Variants in PDK1 observed in about 807,000 individuals in gnomAD.
PDK1 encodes the protein pyruvate dehydrogenase kinase 1.
PDK1 carries 39 observed loss-of-function variants against 54.2 expected under a neutral mutation model. The observed-to-expected ratio is 0.72, with a 90% CI of 0.56 to 0.94. The LOEUF is 0.94. PDK1 is among the 40% of genes least tolerant of loss of function. The probability of loss-of-function intolerance (pLI) is 0.00; values close to 1 mark genes in which losing one functional copy is unlikely to be tolerated. For synonymous variants in PDK1, 221 were observed against 207.1 expected (o/e 1.07, Z -0.58); for missense variants, 552 against 566.0 (o/e 0.98, Z 0.25).
At chr2:172,569,292 T>C (rs1005711799) in intron 7 of PDK1, among the ~76,000 whole-genome samples, 2 of 152,246 alleles carry the variant, frequency 1.3e-5, no homozygotes, top group African/African-American at 4.8e-5. Context: ...ATTCTTTTTT[T>C]GGTCTGGCTT....
chr2:172,664,781 C>A, the PDK1 span, among the ~76,000 whole-genome samples: 1 of 151,362 alleles, frequency 6.6e-6, no homozygotes, highest in South Asian at 2.1e-4. Flanking sequence ...TTCTTCAGTG[C>A]CTCTTACTAA....
chr2:172,649,168 G>C, the PDK1 span, among the ~76,000 whole-genome samples: 1 of 152,190 alleles, frequency 6.6e-6, no homozygotes, highest in East Asian at 1.9e-4. Flanking sequence ...AACATCTGCC[G>C]TTCTGCAATA....
intron 8 of PDK1, among the ~76,000 whole-genome samples, chr2:172,573,783 G>GTGTT (rs1689426552): frequency 6.6e-6 from 1 of 151,748 alleles, no homozygotes; most frequent in Admixed American, 6.6e-5. Context: ...GTACAAAGTT[G>GTGTT]TGTTTTTTTG....
the PDK1 span, among the ~76,000 whole-genome samples, chr2:172,634,649 A>C: frequency 1.3e-5 from 2 of 151,802 alleles, no homozygotes; most frequent in African/African-American, 4.8e-5. Flanking sequence ...ATTTCCACTC[A>C]TTTGTTATTA....
the PDK1 span, among the ~76,000 whole-genome samples, chr2:172,622,298 T>TATGTTTATATCTCATATATTATGTGAG: frequency 6.7e-6 from 1 of 148,176 alleles, no homozygotes; most frequent in African/African-American, 2.5e-5. Flanking sequence ...TTATGTGAGA[T>TATGTTTATATCTCATATATTATGTGAG]ATGTTTATAT....
At chr2:172,557,972 C>T (rs1172439451) in intron 1 of PDK1, among the ~76,000 whole-genome samples, 2 of 151,546 alleles carry the variant, frequency 1.3e-5, no homozygotes, top group African/African-American at 4.9e-5. Flanking sequence ...CCTAGAACTA[C>T]CGGCAAGCAC....
the PDK1 span, among the ~76,000 whole-genome samples, chr2:172,640,379 T>C: frequency 6.6e-6 from 1 of 152,154 alleles, no homozygotes; most frequent in Non-Finnish European, 1.5e-5. Context: ...TCCTTCCTGG[T>C]CCTGAAAAGC....
At chr2:172,558,624 C>T in intron 1 of PDK1, 84 bp from the exon 2 acceptor site, 2 of 1,253,664 alleles carry the variant, frequency 1.6e-6, no homozygotes, top group Non-Finnish European at 1.1e-6. Context: ...TGCCGGATAA[C>T]TTCCTCTCTA....
chr2:172,698,887 G>A, the PDK1 span, among the ~76,000 whole-genome samples: 1 of 152,188 alleles, frequency 6.6e-6, no homozygotes, highest in African/African-American at 2.4e-5. Context: ...AAGCTCCTCA[G>A]GTGATTTTTA....
the PDK1 span, among the ~76,000 whole-genome samples, chr2:172,635,942 C>G: frequency 6.6e-6 from 1 of 152,206 alleles, no homozygotes; most frequent in Non-Finnish European, 1.5e-5. Context: ...CTGTGGAAAC[C>G]CAGTAAAAGC....
chr2:172,669,954 C>G, the PDK1 span, among the ~76,000 whole-genome samples: 2 of 152,096 alleles, frequency 1.3e-5, no homozygotes, highest in Non-Finnish European at 2.9e-5. Flanking sequence ...TGTGGGTTGC[C>G]TCTTTGCTCT....
chr2:172,593,189 A>T (rs537883117), intron 10 of PDK1, 141 bp downstream of exon 10: 56 of 467,724 alleles, frequency 1.2e-4, no homozygotes, highest in African/African-American at 1.0e-3. Flanking sequence ...GATCTCACCC[A>T]TTTTGATAGA....
chr2:172,595,464 C>T (rs779369103), intron 10 of PDK1, among the ~76,000 whole-genome samples: 1 of 152,132 alleles, frequency 6.6e-6, no homozygotes, highest in Non-Finnish European at 1.5e-5. Context: ...AATTTATGTG[C>T]ATCTATTAAG....
chr2:172,684,204 T>C, the PDK1 span, among the ~76,000 whole-genome samples: 1 of 152,184 alleles, frequency 6.6e-6, no homozygotes, highest in African/African-American at 2.4e-5. Context: ...GTGGATTGCT[T>C]GAGCTCAGGA....
chr2:172,572,483 G>A (rs1689335241), intron 8 of PDK1, among the ~76,000 whole-genome samples: 1 of 152,140 alleles, frequency 6.6e-6, no homozygotes, highest in Non-Finnish European at 1.5e-5. Flanking sequence ...CCAGCACTTT[G>A]GGAGGCCAAG....
chr2:172,661,140 G>T, the PDK1 span, among the ~76,000 whole-genome samples: 1 of 152,144 alleles, frequency 6.6e-6, no homozygotes, highest in Admixed American at 6.5e-5. Context: ...AGCTAGGGCT[G>T]AGGCTTATGG....
chr2:172,621,533 T>TTA, the PDK1 span, among the ~76,000 whole-genome samples: 21 of 147,366 alleles, frequency 1.4e-4, no homozygotes, highest in South Asian at 4.2e-4. Context: ...CTCTTCTTTT[T>TTA]TATATATATA....
rs2149200452 is a variant in PDK1 at position 172,562,229 on chromosome 2, G to C, written c.348G>C (p.Gln116His). ...SVQLVQSWYI[Q>H]SLQELLDFKD... ...TTGATCTGCATTTTAGGTATATCCA[G>C]AGTCTTCAGGAGCTTCTTGATTTTA... Residue 116 changes from glutamine to histidine, a missense_variant, in exon 3 of 11, where the codon CAG (glutamine) becomes CAC (histidine). Transcript: ENST00000282077. 1 of 1,576,038 alleles carries C rather than the reference G, an allele frequency of 6.3e-7. No homozygotes were observed. Among genetic ancestry groups the C allele is most frequent in the Non-Finnish European group, 8.7e-7 (1 of 1,146,010 alleles).
chr2:172,689,307 T>G, the PDK1 span, among the ~76,000 whole-genome samples: 1 of 152,110 alleles, frequency 6.6e-6, no homozygotes, highest in Non-Finnish European at 1.5e-5. Context: ...CCAAGTCCCC[T>G]CTTCAAGGAG....
Sources: allele counts gnomAD v4.1 joint callset (sites outside exome capture counted in the v4.1 genomes callset), GRCh38; gene constraint gnomAD v4.1.1; transcripts MANE v1.5; gene names NCBI Gene and HGNC (gene_info 2026-07-23, HGNC 2026-07-21).